The following ENPP6 variants were observed in gnomAD, a reference collection of about 807,000 sequenced individuals.
The protein encoded by ENPP6 is ectonucleotide pyrophosphatase/phosphodiesterase 6, also known as glycerophosphocholine cholinephosphodiesterase ENPP6.
Under a neutral mutation model 42.0 loss-of-function variants are expected in ENPP6, and 32 were observed. That is an observed-to-expected ratio of 0.76 (90% CI 0.58 to 1.02). The LOEUF is 1.02. Among genes scored for constraint, ENPP6 ranks in the 50% least tolerant of loss-of-function variants. The probability of loss-of-function intolerance (pLI) is 0.00; values close to 1 mark genes in which losing one functional copy is unlikely to be tolerated. For missense variants in ENPP6, 552 were observed against 566.8 expected (o/e 0.97, Z 0.27); for synonymous variants, 213 against 216.0 (o/e 0.99, Z 0.12).
intron 3 of ENPP6, among the ~76,000 whole-genome samples, chr4:184,120,420 C>T (rs1234498207): frequency 1.3e-5 from 2 of 152,010 alleles, no homozygotes; most frequent in Non-Finnish European, 2.9e-5. Flanking sequence ...GCCCACTGTT[C>T]CGGCAGCCAA....
chr4:184,124,748 T>A (rs960070971), intron 2 of ENPP6, among the ~76,000 whole-genome samples: 1 of 152,202 alleles, frequency 6.6e-6, no homozygotes, highest in African/African-American at 2.4e-5. Context: ...ATACAAAAGC[T>A]AACTGGACTT....
At chr4:184,137,485 G>A (rs926868057) in intron 2 of ENPP6, among the ~76,000 whole-genome samples, 1 of 151,890 alleles carries the variant, frequency 6.6e-6, no homozygotes, top group African/African-American at 2.4e-5. Context: ...TTTTTAAATT[G>A]AATACTACAT....
chr4:184,199,283 G>A (rs369110096), intron 1 of ENPP6, among the ~76,000 whole-genome samples: 20 of 152,248 alleles, frequency 1.3e-4, no homozygotes, highest in African/African-American at 4.3e-4. Context: ...GATATCTCAC[G>A]GGCTGGGGGG....
At chr4:184,096,303 T>C (rs1453919228) in intron 7 of ENPP6, among the ~76,000 whole-genome samples, 1 of 152,220 alleles carries the variant, frequency 6.6e-6, no homozygotes. Flanking sequence ...GTGTAACCTA[T>C]AATTTGAAAG....
At chr4:184,126,133 T>C (rs1736498832) in intron 2 of ENPP6, among the ~76,000 whole-genome samples, 2 of 152,362 alleles carry the variant, frequency 1.3e-5, no homozygotes, top group Middle Eastern at 3.4e-3. Flanking sequence ...AAACGCATCC[T>C]TTTTGGTGTT....
intron 6 of ENPP6, among the ~76,000 whole-genome samples, chr4:184,107,761 A>C (rs1736123647): frequency 6.6e-6 from 1 of 152,032 alleles, no homozygotes; most frequent in South Asian, 2.1e-4. Flanking sequence ...TAAAAATACA[A>C]AAAATTAGCC....
rs1736206818 is a variant in ENPP6, at chr4:184,112,267, TCA to T, written c.993+403_993+404del. On this transcript the variant is annotated intron_variant, in intron 6 of 7. Transcript: ENST00000296741. ...AAGATCAAATTGGCAAACTGGGGAC[TCA>T]CAGTCTCGTTTGCCAAACATTTCTC... Among the ~76,000 whole-genome samples, 3 of 152,234 alleles carry T rather than the reference TCA, an allele frequency of 2.0e-5. No homozygotes were observed. In the South Asian group the frequency reaches 6.2e-4, roughly 31 times the overall value.
At chr4:184,097,504 C>T in intron 6 of ENPP6, 136 bp from the exon 7 acceptor site, 2 of 1,270,852 alleles carry the variant, frequency 1.6e-6, no homozygotes, top group Non-Finnish European at 1.1e-6. Flanking sequence ...ACCCAACCTC[C>T]GCTGCGGCAC....
At chr4:184,141,000 G>A (rs954719836) in intron 2 of ENPP6, among the ~76,000 whole-genome samples, 16 of 123,352 alleles carry the variant, frequency 1.3e-4, no homozygotes, top group African/African-American at 4.8e-4. Flanking sequence ...ATCTGACAAA[G>A]GGCTAATATC....
chr4:184,108,787 A>C (rs1399511598), intron 6 of ENPP6, among the ~76,000 whole-genome samples: 1 of 152,236 alleles, frequency 6.6e-6, no homozygotes, highest in African/African-American at 2.4e-5. Flanking sequence ...TTCCAGAGAG[A>C]CATTTGTGTT....
intron 1 of ENPP6, among the ~76,000 whole-genome samples, chr4:184,188,026 G>A (rs1732659838): frequency 1.3e-5 from 2 of 152,198 alleles, no homozygotes; most frequent in Non-Finnish European, 2.9e-5. Flanking sequence ...TTAAAATAAG[G>A]TTTATGACTG....
intron 2 of ENPP6, among the ~76,000 whole-genome samples, chr4:184,139,007 C>T (rs1736775424): frequency 6.6e-6 from 1 of 152,246 alleles, no homozygotes; most frequent in Non-Finnish European, 1.5e-5. Flanking sequence ...ATCAGAGGTG[C>T]TCTGACTGCA....
intron 1 of ENPP6, among the ~76,000 whole-genome samples, chr4:184,199,470 T>G (rs1579661878): frequency 6.6e-6 from 1 of 152,364 alleles, no homozygotes; most frequent in East Asian, 1.9e-4. Context: ...TAATGTTTTC[T>G]CAAGTCCACC....
At position 184,117,780 on chromosome 4, in the gene ENPP6, C is replaced by T. The variant is rs1235573834; in HGVS notation, c.654G>A (p.Lys218=). The change falls in exon 4 of 8, where the codon AAG becomes AAA. Residue 218 remains lysine (K), a synonymous_variant. Transcript: ENST00000296741. The part of the protein sequence containing the change: ...DALKAVDTVL[K]YMTKWIQERG... ...TCACCTGGATCCACTTGGTCATGTA[C>T]TTCAGGACAGTGTCTACAGCCTTGA... The T allele has an allele frequency of 7.4e-6, 12 of 1,614,134 alleles. No individual in the cohort carries two copies. Among genetic ancestry groups the T allele is most frequent in the Non-Finnish European group, 1.0e-5 (12 of 1,180,054 alleles).
At chr4:184,131,005 C>T (rs1349193701) in intron 2 of ENPP6, among the ~76,000 whole-genome samples, 2 of 152,120 alleles carry the variant, frequency 1.3e-5, no homozygotes, top group Non-Finnish European at 2.9e-5. Flanking sequence ...CTTTGGTGCT[C>T]ATAGGTATGC....
At chr4:184,170,717 T>C (rs756274798) in intron 1 of ENPP6, among the ~76,000 whole-genome samples, 3 of 152,220 alleles carry the variant, frequency 2.0e-5, no homozygotes, top group Non-Finnish European at 4.4e-5. Context: ...TCCATGTGTC[T>C]TAGGCAAGAA....
intron 1 of ENPP6, among the ~76,000 whole-genome samples, chr4:184,158,142 T>A (rs979451482): frequency 6.6e-6 from 1 of 152,234 alleles, no homozygotes; most frequent in Non-Finnish European, 1.5e-5. Flanking sequence ...TGGCTCACAG[T>A]CTGCTATGGA....
At chr4:184,170,310 G>A (rs183562512) in intron 1 of ENPP6, among the ~76,000 whole-genome samples, 1 of 152,246 alleles carries the variant, frequency 6.6e-6, no homozygotes, top group East Asian at 1.9e-4. Context: ...TGCACCTGTA[G>A]TACTAGCTGC....
rs569465557 is a variant in ENPP6 at position 184,212,701 on chromosome 4, C to G, written c.241+4878G>C. Among the ~76,000 whole-genome samples, 5 of 151,906 alleles carry G rather than the reference C, an allele frequency of 3.3e-5. 1 individual carries two copies. The South Asian group carries it at 1.0e-3, about 32-fold the overall frequency. On this transcript the variant is annotated intron_variant, in intron 1 of 7. Coordinates refer to ENST00000296741, the MANE Select transcript of ENPP6 (RefSeq NM_153343.4). ...CAGATTCAATGCCATCCCCATCAAG[C>G]TACCAATGCCTTTCTTCACAGAATT... is the stretch of plus-strand genomic sequence containing the variant.
Sources: gnomAD v4.1 joint callset for allele counts (sites outside exome capture counted in the v4.1 genomes callset) on GRCh38, gnomAD v4.1.1 for gene constraint, MANE v1.5 for transcripts, NCBI Gene and HGNC (gene_info 2026-07-23, HGNC 2026-07-21) for gene names.